GRIN2A: variants seen among roughly 807,000 people sequenced by gnomAD.
The protein encoded by GRIN2A is glutamate receptor ionotropic, NMDA 2A.
Under a neutral mutation model 113.4 loss-of-function variants are expected in GRIN2A, and 22 were observed. The ratio of observed to expected loss-of-function variants is 0.19; its 90% CI spans 0.14 to 0.28. The LOEUF is 0.28. GRIN2A is among the 10% of genes least tolerant of loss of function. The pLI, the probability that GRIN2A is intolerant of heterozygous loss-of-function variation, is 1.00. For synonymous variants in GRIN2A, 827 were observed against 738.4 expected (o/e 1.12, Z -1.94); for missense variants, 1,502 against 1,887.0 (o/e 0.80, Z 3.78).
At chr16:9,990,559 G>GCACACA (rs1374648465) in intron 2 of GRIN2A, among the ~76,000 whole-genome samples, 12 of 94,642 alleles carry the variant, frequency 1.3e-4, no homozygotes, top group African/African-American at 4.0e-4. Flanking sequence ...GCGCGCGCGC[G>GCACACA]CGCGCACACA....
chr16:10,077,840 C>T (rs1448254383), intron 2 of GRIN2A, among the ~76,000 whole-genome samples: 1 of 152,128 alleles, frequency 6.6e-6, no homozygotes, highest in Admixed American at 6.5e-5. Flanking sequence ...GGGTCTTTAT[C>T]CAAATACCAT....
chr16:9,949,364 G>T (rs1207829759), intron 2 of GRIN2A, among the ~76,000 whole-genome samples: 2 of 152,078 alleles, frequency 1.3e-5, no homozygotes, highest in African/African-American at 4.8e-5. Context: ...ATGGATAGAT[G>T]GATGAATGGA....
At chr16:10,172,247 GTC>G (rs1367636520) in intron 2 of GRIN2A, among the ~76,000 whole-genome samples, 1 of 152,212 alleles carries the variant, frequency 6.6e-6, no homozygotes, top group Non-Finnish European at 1.5e-5. Flanking sequence ...CAGACTCTTT[GTC>G]CAAGGTTTTC....
In GRIN2A at chr16:9,763,834, T is replaced by A. The variant is rs1900715803; in HGVS notation, c.3710A>T (p.Asp1237Val). 6.2e-7 allele frequency: 1 copy of A among 1,614,104 alleles called. No individual in the cohort carries two copies. The highest frequency in any genetic ancestry group is 8.5e-7 in the Non-Finnish European group (1 of 1,180,000). Residue 1237 changes from aspartate (D) to valine (V), a missense_variant, in exon 13 of 13, where the codon GAT becomes GTT. Asp to Val is a radical substitution (Grantham distance 152, BLOSUM62 -3). Coordinates refer to ENST00000330684, the MANE Select transcript of GRIN2A (RefSeq NM_001134407.3). ...GAGGTTCCCCATCCGCAGGCAGGCA[T>A]CGCACTTGAAGGGGGACCTCATGGT... ...HFTMRSPFKC[D>V]ACLRMGNLYD...
chr16:10,039,971 C>CGTCCACACCACACACACA (rs1253434083), intron 2 of GRIN2A, among the ~76,000 whole-genome samples: 1 of 48,874 alleles, frequency 2.0e-5, no homozygotes, highest in African/African-American at 7.2e-5. Flanking sequence ...CAAAAACACA[C>CGTCCACACCACACACACA]AATACACCTC....
intron 3 of GRIN2A, among the ~76,000 whole-genome samples, chr16:9,932,467 C>G (rs918496832): frequency 6.6e-6 from 1 of 152,114 alleles, no homozygotes; most frequent in African/African-American, 2.4e-5. Flanking sequence ...CCTCCACCTC[C>G]CAGGTTCAAG....
chr16:9,804,725 G>A (rs1205115942), intron 10 of GRIN2A, among the ~76,000 whole-genome samples: 1 of 152,140 alleles, frequency 6.6e-6, no homozygotes, highest in African/African-American at 2.4e-5. Flanking sequence ...GAGGGCTGGA[G>A]CAGTGCTGGA....
At chr16:10,035,126 A>G (rs2047001196) in intron 2 of GRIN2A, among the ~76,000 whole-genome samples, 1 of 152,146 alleles carries the variant, frequency 6.6e-6, no homozygotes, top group Admixed American at 6.5e-5. Flanking sequence ...CTTGGGCTCC[A>G]GTGAACCTCC....
At chr16:10,154,095 C>T (rs2049639600) in intron 2 of GRIN2A, among the ~76,000 whole-genome samples, 1 of 152,158 alleles carries the variant, frequency 6.6e-6, no homozygotes, top group Non-Finnish European at 1.5e-5. Context: ...TTCCTGGCCC[C>T]TTGAATCAGT....
chr16:9,978,035 C>A (rs148959121), intron 2 of GRIN2A, among the ~76,000 whole-genome samples: 107 of 152,232 alleles, frequency 7.0e-4, no homozygotes, highest in Middle Eastern at 3.4e-3. Context: ...GCCATATATT[C>A]ACTGGATGAT....
In GRIN2A at chr16:9,764,465, A is replaced by T. The variant is rs769279188; in HGVS notation, c.3079T>A (p.Ser1027Thr). 1.9e-6 allele frequency: 3 copies of T among 1,614,016 alleles called. No individual in the cohort carries two copies. The highest frequency in any genetic ancestry group is 2.5e-6 in the Non-Finnish European group (3 of 1,179,972). ...SVDSIRQDSL[S>T]QNPVSQRDEA... ...TCCCTCTGGGAGACTGGATTCTGGG[A>T]TAGTGAATCCTGGCGTATGGAATCC... Residue 1027 changes from serine (S) to threonine (T), a missense_variant, in exon 13 of 13, where the codon TCC becomes ACC. By Grantham distance (58) the Ser-to-Thr change is moderately conservative. This residue lies in a region of GRIN2A where 832 missense variants were observed against 789.7 expected (regional missense o/e 1.05). Transcript: ENST00000330684.
At chr16:10,176,003 CTTT>C (rs34994079) in intron 2 of GRIN2A, among the ~76,000 whole-genome samples, 4 of 125,838 alleles carry the variant, frequency 3.2e-5, no homozygotes, top group Non-Finnish European at 5.0e-5. Flanking sequence ...AATTTTCCTT[CTTT>C]TTTTTTTTTT....
chr16:9,764,894 C>T lies in GRIN2A; in HGVS notation c.2650G>A (p.Asp884Asn), dbSNP rs777684328. The change falls in exon 13 of 13, where the codon GAC becomes AAC. Residue 884 changes from aspartate (D) to asparagine (N), a missense_variant. Around this residue, in one of 7 missense-constraint regions of GRIN2A, gnomAD observed 832 missense variants for 789.7 expected, o/e 1.05. Transcript: ENST00000330684. The stretch of plus-strand genomic sequence containing the variant: ...CTCTGGGATCCCGTCAGATTGAAGT[C>T]TGGAGACTTCTTCTTTTCTTCAATG... ...VHIEEKKKSP[D>N]FNLTGSQSNM... The T allele has an allele frequency of 9.3e-6, 15 of 1,614,048 alleles. No individual in the cohort carries two copies. The East Asian group carries it at 3.1e-4, about 34-fold the overall frequency.
intron 5 of GRIN2A, among the ~76,000 whole-genome samples, chr16:9,845,248 G>T (rs1567341185): frequency 6.6e-6 from 1 of 152,140 alleles, no homozygotes; most frequent in Non-Finnish European, 1.5e-5. Context: ...GTCTTCAGTA[G>T]AAAAGTCAAT....
At chr16:9,894,707 A>G (rs12922641) in intron 3 of GRIN2A, among the ~76,000 whole-genome samples, 105,033 of 152,066 alleles carry the variant, frequency 0.69, 37,991 homozygotes, top group African/African-American at 0.89. Flanking sequence ...TTTTGGTTCC[A>G]TTTCCCAGGG....
intron 2 of GRIN2A, among the ~76,000 whole-genome samples, chr16:10,003,547 A>G (rs2046356682): frequency 6.6e-6 from 1 of 152,222 alleles, no homozygotes; most frequent in Non-Finnish European, 1.5e-5. Context: ...ACACAGTGGG[A>G]GTATACCAAG....
At chr16:10,039,811 GAA>G (rs1491388650) in intron 2 of GRIN2A, among the ~76,000 whole-genome samples, 15 of 90,984 alleles carry the variant, frequency 1.6e-4, no homozygotes, top group East Asian at 8.2e-4. Flanking sequence ...AGGGGGGGGA[GAA>G]AGAGAGAGAG....
Position 9,849,629 on chromosome 16 carries a change from T to C in GRIN2A, c.1328+127A>G. 3 of 775,252 alleles carry C rather than the reference T, an allele frequency of 3.9e-6. No homozygotes were observed. In the South Asian group the frequency reaches 4.3e-5, roughly 11 times the overall value. 48.0% of individuals were successfully genotyped at this position (775,252 alleles called of 1,614,324 possible). The stretch of plus-strand genomic sequence containing the variant: ...CTTTTTTAAATTGATTATTGTATTA[T>C]ACCTACTATAACGACGTGTATTTTC... On this transcript the variant is annotated intron_variant, in intron 5 of 12. Coordinates refer to ENST00000330684, the MANE Select transcript of GRIN2A (RefSeq NM_001134407.3).
intron 2 of GRIN2A, among the ~76,000 whole-genome samples, chr16:10,086,201 C>A (rs1303260833): frequency 6.6e-6 from 1 of 152,116 alleles, no homozygotes; most frequent in African/African-American, 2.4e-5. Flanking sequence ...ACTCACAGCA[C>A]CTATGCAGCA....
Sources: gnomAD v4.1 joint callset for allele counts (sites outside exome capture counted in the v4.1 genomes callset) on GRCh38, gnomAD v4.1.1 for gene constraint, gnomAD v4.1.1 regional missense constraint, MANE v1.5 for transcripts, NCBI Gene and HGNC (gene_info 2026-07-23, HGNC 2026-07-21) for gene names.